The following FHIT variants were observed in gnomAD, a reference collection of about 807,000 sequenced individuals.
FHIT encodes fragile histidine triad diadenosine triphosphatase, also known as bis(5'-adenosyl)-triphosphatase.
Under a neutral mutation model 17.9 loss-of-function variants are expected in FHIT, and 19 were observed. That is an observed-to-expected ratio of 1.06 (90% confidence interval 0.74 to 1.56). The LOEUF (loss-of-function observed/expected upper bound fraction) is 1.56, where lower values mean the gene tolerates loss of function less well. FHIT is among the 40% of genes most tolerant of loss of function. The pLI, the probability that FHIT is intolerant of heterozygous loss-of-function variation, is 0.00. For synonymous variants in FHIT, 81 were observed against 69.7 expected (o/e 1.16, Z -0.81); for missense variants, 248 against 189.2 (o/e 1.31, Z -1.82).
chr3:61,206,493 T>C (rs1226372333), intron 1 of FHIT, among the ~76,000 whole-genome samples: 11 of 152,162 alleles, frequency 7.2e-5, no homozygotes, highest in South Asian at 2.1e-4. Context: ...TTTTATTTCA[T>C]TGAGCAGTGG....
intron 4 of FHIT, among the ~76,000 whole-genome samples, chr3:60,798,534 T>C (rs782592269): frequency 4.6e-5 from 7 of 152,146 alleles, no homozygotes; most frequent in Non-Finnish European, 8.8e-5. Flanking sequence ...GCTTACTAGC[T>C]GGATTTGTTA....
intron 4 of FHIT, among the ~76,000 whole-genome samples, chr3:60,634,227 C>G (rs1340754883): frequency 6.6e-6 from 1 of 152,084 alleles, no homozygotes; most frequent in Non-Finnish European, 1.5e-5. Context: ...CTGTTAGTCT[C>G]AACTCATTTG....
chr3:59,935,760 T>C (rs1706204662), intron 7 of FHIT, among the ~76,000 whole-genome samples: 2 of 151,942 alleles, frequency 1.3e-5, no homozygotes, highest in African/African-American at 2.4e-5. Context: ...TGTGGACAGA[T>C]AGGTGCATGG....
intron 3 of FHIT, among the ~76,000 whole-genome samples, chr3:60,832,857 T>G (rs1308885800): frequency 2.6e-5 from 4 of 152,198 alleles, no homozygotes; most frequent in Non-Finnish European, 4.4e-5. Context: ...ATAAGAGATT[T>G]TACGCTAAGC....
At chr3:60,889,357 T>G (rs1284998195) in intron 3 of FHIT, among the ~76,000 whole-genome samples, 3 of 152,354 alleles carry the variant, frequency 2.0e-5, no homozygotes, top group East Asian at 1.9e-4. Context: ...TGTAAGGGCG[T>G]ACCCTTCTGT....
At chr3:60,599,066 C>A (rs1028531298) in intron 4 of FHIT, among the ~76,000 whole-genome samples, 2 of 152,100 alleles carry the variant, frequency 1.3e-5, no homozygotes, top group African/African-American at 4.8e-5. Flanking sequence ...TTGCTGTGGG[C>A]ATACTAGCAA....
At chr3:60,097,382 T>C (rs1470744408) in intron 5 of FHIT, among the ~76,000 whole-genome samples, 1 of 152,132 alleles carries the variant, frequency 6.6e-6, no homozygotes, top group Non-Finnish European at 1.5e-5. Context: ...GAGGACACAC[T>C]GCCCCTGAGG....
chr3:60,674,096 A>AT (rs1235875702), intron 4 of FHIT, among the ~76,000 whole-genome samples: 1 of 151,364 alleles, frequency 6.6e-6, no homozygotes, highest in Middle Eastern at 3.2e-3. Flanking sequence ...TATTTTTTCT[A>AT]TTTTTTCCTC....
intron 3 of FHIT, among the ~76,000 whole-genome samples, chr3:61,026,165 G>A (rs56271287): frequency 0.013 from 1,976 of 152,012 alleles, 44 homozygotes; most frequent in African/African-American, 0.045. Flanking sequence ...CCACCACTAC[G>A]CCCACTTCAA....
intron 8 of FHIT, among the ~76,000 whole-genome samples, chr3:59,797,361 A>T (rs1207867345): frequency 2.0e-5 from 3 of 152,098 alleles, no homozygotes; most frequent in Non-Finnish European, 4.4e-5. Context: ...TAATTTTTGT[A>T]TTTTTAGTAG....
At chr3:60,084,186 G>A (rs548282014) in intron 5 of FHIT, among the ~76,000 whole-genome samples, 38 of 152,230 alleles carry the variant, frequency 2.5e-4, no homozygotes, top group African/African-American at 9.1e-4. Context: ...ATGGAATCAG[G>A]AGTAGGAAGA....
chr3:60,650,655 A>C (rs1237214724), intron 4 of FHIT, among the ~76,000 whole-genome samples: 2 of 152,222 alleles, frequency 1.3e-5, no homozygotes, highest in Non-Finnish European at 2.9e-5. Flanking sequence ...AATGGAAAAC[A>C]CTACATATAC....
intron 2 of FHIT, among the ~76,000 whole-genome samples, chr3:61,094,693 G>A (rs1279503149): frequency 6.6e-6 from 1 of 152,152 alleles, no homozygotes; most frequent in Non-Finnish European, 1.5e-5. Flanking sequence ...CTCTTGTGCT[G>A]GGGCCATTAT....
intron 3 of FHIT, among the ~76,000 whole-genome samples, chr3:60,903,103 C>A (rs1706208728): frequency 6.6e-6 from 1 of 151,992 alleles, no homozygotes; most frequent in African/African-American, 2.4e-5. Context: ...ATCAAAAAAA[C>A]TAAGTTGGTT....
intron 5 of FHIT, among the ~76,000 whole-genome samples, chr3:60,069,367 C>G (rs1702661645): frequency 6.6e-6 from 1 of 152,108 alleles, no homozygotes; most frequent in African/African-American, 2.4e-5. Context: ...TAATCCCAAC[C>G]TGTTACAATT....
chr3:60,357,168 A>C (rs1699703712), intron 5 of FHIT, among the ~76,000 whole-genome samples: 2 of 152,188 alleles, frequency 1.3e-5, no homozygotes, highest in Admixed American at 1.3e-4. Flanking sequence ...TCAAATAATC[A>C]GGTCTTCCCC....
intron 4 of FHIT, among the ~76,000 whole-genome samples, chr3:60,610,951 T>C (rs954625278): frequency 6.6e-6 from 1 of 152,170 alleles, no homozygotes; most frequent in Admixed American, 6.5e-5. Flanking sequence ...CATCAGGCCA[T>C]GTACTCTTAA....
chr3:60,724,421 T>C (rs1371643263), intron 4 of FHIT, among the ~76,000 whole-genome samples: 3 of 152,220 alleles, frequency 2.0e-5, no homozygotes, highest in Admixed American at 6.5e-5. Flanking sequence ...TTGGCTACTA[T>C]GAATAGTGCT....
At chr3:60,462,520 A>G (rs1010174554) in intron 5 of FHIT, among the ~76,000 whole-genome samples, 7 of 152,212 alleles carry the variant, frequency 4.6e-5, no homozygotes, top group Non-Finnish European at 7.3e-5. Context: ...TGACCAAGGC[A>G]GGGAGAACAC....
Sources: allele counts gnomAD v4.1 joint callset (sites outside exome capture counted in the v4.1 genomes callset), GRCh38; gene constraint gnomAD v4.1.1; transcripts MANE v1.5; gene names NCBI Gene and HGNC (gene_info 2026-07-23, HGNC 2026-07-21).